PAK1: variants seen among roughly 807,000 people sequenced by gnomAD.
The protein encoded by PAK1 is serine/threonine-protein kinase PAK 1.
In PAK1, 29 loss-of-function variants were observed where a neutral mutation model predicts 67.4. The ratio of observed to expected loss-of-function variants is 0.43; its 90% CI spans 0.32 to 0.59. PAK1 has a LOEUF of 0.59. PAK1 is among the 20% of genes least tolerant of loss of function. The pLI is 0.07. For missense variants in PAK1, 337 were observed against 670.7 expected, an observed-to-expected ratio of 0.50 and a Z score of 5.50; for synonymous variants, 223 against 237.4, an observed-to-expected ratio of 0.94 and a Z score of 0.56.
intron 1 of PAK1, among the ~76,000 whole-genome samples, chr11:77,442,935 T>C (rs996632338): frequency 6.6e-6 from 1 of 152,122 alleles, no homozygotes; most frequent in African/African-American, 2.4e-5. Flanking sequence ...TTAGCCATGG[T>C]TTCCTTATTG....
upstream of PAK1, among the ~76,000 whole-genome samples, chr11:77,479,181 GC>G (rs1013644935): frequency 6.6e-5 from 10 of 151,928 alleles, no homozygotes; most frequent in African/African-American, 2.4e-4. Context: ...TCTCTTTCTG[GC>G]CTTTAAGAAG....
Position 77,336,212 on chromosome 11 carries a change from G to A in PAK1, c.1287C>T (p.Tyr429=), listed in dbSNP as rs1369448146. The A allele has an allele frequency of 6.2e-7, 1 of 1,613,980 alleles. No individual in the cohort carries two copies. Among genetic ancestry groups the A allele is most frequent in the East Asian group, 2.2e-5 (1 of 44,886 alleles). Residue 429 remains tyrosine, a synonymous_variant, in exon 13 of 15, where the codon TAC becomes TAT. Transcript: ENST00000356341. ...SKRSTMVGTP[Y]WMAPEVVTRK... ...GTGTCACAACCTCTGGTGCCATCCA[G>A]TATGGGGTTCCTACCATGGTGCTCC...
At chr11:77,434,969 C>T (rs1214088075) in intron 1 of PAK1, among the ~76,000 whole-genome samples, 2 of 151,680 alleles carry the variant, frequency 1.3e-5, no homozygotes, top group Non-Finnish European at 2.9e-5. Context: ...CCCTATGTTG[C>T]CCAGTCTAGT....
intron 2 of PAK1, among the ~76,000 whole-genome samples, chr11:77,387,293 G>C (rs1314492264): frequency 6.6e-6 from 1 of 152,046 alleles, no homozygotes; most frequent in Non-Finnish European, 1.5e-5. Context: ...GGCTGGTCTA[G>C]AACTCCTGAC....
chr11:77,486,691 G>A, the PAK1 span, among the ~76,000 whole-genome samples: 1 of 152,180 alleles, frequency 6.6e-6, no homozygotes, highest in African/African-American at 2.4e-5. Flanking sequence ...CCCTGTCACA[G>A]TGGGAAGCAA....
At chr11:77,472,168 ATT>A (rs1957890489) in intron 1 of PAK1, among the ~76,000 whole-genome samples, 1 of 152,246 alleles carries the variant, frequency 6.6e-6, no homozygotes, top group Admixed American at 6.5e-5. Context: ...GGATAAACGA[ATT>A]GACTGAATAA....
At chr11:77,414,164 C>T (rs1954822688) in intron 1 of PAK1, among the ~76,000 whole-genome samples, 2 of 152,196 alleles carry the variant, frequency 1.3e-5, no homozygotes, top group African/African-American at 4.8e-5. Flanking sequence ...TGTATGTAGG[C>T]TAATTTATTA....
the PAK1 span, among the ~76,000 whole-genome samples, chr11:77,520,753 A>G: frequency 6.6e-6 from 1 of 152,174 alleles, no homozygotes; most frequent in Admixed American, 6.5e-5. Context: ...TACATTTGAA[A>G]GGGGTACAGA....
At chr11:77,503,497 A>C in the PAK1 span, among the ~76,000 whole-genome samples, 3 of 152,212 alleles carry the variant, frequency 2.0e-5, no homozygotes. Flanking sequence ...AATTATTGAG[A>C]ACCCCAAAGA....
chr11:77,327,834 A>G (rs1214795426), intron 14 of PAK1, among the ~76,000 whole-genome samples: 2 of 152,146 alleles, frequency 1.3e-5, no homozygotes, highest in African/African-American at 2.4e-5. Context: ...AAAGACACAG[A>G]CTGGCAGACT....
At chr11:77,452,622 GA>G (rs201312569) in intron 1 of PAK1, among the ~76,000 whole-genome samples, 4 of 149,020 alleles carry the variant, frequency 2.7e-5, no homozygotes, top group African/African-American at 9.9e-5. Flanking sequence ...CTTTCTAAAA[GA>G]AAAAAAAAGA....
chr11:77,399,720 G>A (rs1383036327), intron 1 of PAK1, among the ~76,000 whole-genome samples: 13 of 149,616 alleles, frequency 8.7e-5, no homozygotes, highest in Admixed American at 5.3e-4. Flanking sequence ...TTAGCCAGGC[G>A]TAGTGGCGGG....
intron 10 of PAK1, 106 bp from the exon 11 acceptor site, chr11:77,340,869 G>C: frequency 5.5e-6 from 4 of 729,004 alleles, no homozygotes; most frequent in Non-Finnish European, 1.0e-5. Context: ...CTACGTCTTA[G>C]CACAAAGTAA....
intron 1 of PAK1, among the ~76,000 whole-genome samples, chr11:77,460,171 A>G (rs1957271828): frequency 6.6e-6 from 1 of 151,446 alleles, no homozygotes. Context: ...AAAAAAAAAA[A>G]AGGGATGAAA....
chr11:77,521,755 C>A, the PAK1 span, among the ~76,000 whole-genome samples: 1 of 152,174 alleles, frequency 6.6e-6, no homozygotes, highest in South Asian at 2.1e-4. Context: ...AAAAGGAAAC[C>A]TCCAGGGCAT....
chr11:77,436,106 C>G (rs1294126628), intron 1 of PAK1, among the ~76,000 whole-genome samples: 1 of 152,106 alleles, frequency 6.6e-6, no homozygotes, highest in Non-Finnish European at 1.5e-5. Flanking sequence ...AGACCATGAC[C>G]GCCACATCAC....
intron 1 of PAK1, among the ~76,000 whole-genome samples, chr11:77,455,403 G>T (rs1339162326): frequency 1.3e-5 from 2 of 152,110 alleles, no homozygotes; most frequent in African/African-American, 4.8e-5. Flanking sequence ...AACTAAATTG[G>T]ATGATGGGAG....
chr11:77,494,459 C>G, the PAK1 span, among the ~76,000 whole-genome samples: 19 of 152,168 alleles, frequency 1.2e-4, no homozygotes, highest in South Asian at 3.7e-3. Flanking sequence ...AACTCCTGGG[C>G]TCAAGCAATC....
At chr11:77,361,194 T>G (rs1380448123) in intron 5 of PAK1, among the ~76,000 whole-genome samples, 2 of 151,940 alleles carry the variant, frequency 1.3e-5, no homozygotes, top group Non-Finnish European at 2.9e-5. Context: ...GTTGACAAGG[T>G]GGGGAGATAC....
Sources: gnomAD v4.1 joint callset for allele counts (sites outside exome capture counted in the v4.1 genomes callset) on GRCh38, gnomAD v4.1.1 for gene constraint, MANE v1.5 for transcripts, NCBI Gene and HGNC (gene_info 2026-07-23, HGNC 2026-07-21) for gene names.